The following PUM1 variants were observed in gnomAD, a reference collection of about 807,000 sequenced individuals.
The protein encoded by PUM1 is pumilio homolog 1.
In PUM1, 13 loss-of-function variants were observed where a neutral mutation model predicts 131.8. The ratio of observed to expected loss-of-function variants is 0.10; its 90% CI spans 0.06 to 0.16. The LOEUF (loss-of-function observed/expected upper bound fraction) is 0.16. Among genes scored for constraint, PUM1 ranks in the 10% least tolerant of loss-of-function variants. The pLI, the probability that PUM1 is intolerant of heterozygous loss-of-function variation, is 1.00. For synonymous variants in PUM1, 509 were observed against 556.5 expected, an observed-to-expected ratio of 0.91 and a Z score of 1.20; for missense variants, 961 against 1,512.4, an observed-to-expected ratio of 0.64 and a Z score of 6.05.
chr1:31,056,614 T>C (rs868458048), intron 2 of PUM1, among the ~76,000 whole-genome samples: 43 of 8,922 alleles, frequency 4.8e-3, no homozygotes, highest in African/African-American at 5.3e-3. Flanking sequence ...CTTTTCTTTT[T>C]TTTTTTTTTT....
intron 16 of PUM1, among the ~76,000 whole-genome samples, 174 bp downstream of exon 16, chr1:30,952,060 G>C (rs1320914513): frequency 6.6e-6 from 1 of 152,138 alleles, no homozygotes; most frequent in Non-Finnish European, 1.5e-5. Flanking sequence ...AAACCATACA[G>C]AATAGATAGA....
At chr1:31,033,371 A>G (rs1421528202) in intron 2 of PUM1, among the ~76,000 whole-genome samples, 1 of 103,922 alleles carries the variant, frequency 9.6e-6, no homozygotes, top group African/African-American at 3.4e-5. Context: ...CATCCAGCTA[A>G]TTTTCTTTTT....
intron 2 of PUM1, among the ~76,000 whole-genome samples, chr1:31,050,489 A>G (rs1259510102): frequency 1.3e-5 from 2 of 152,178 alleles, no homozygotes; most frequent in African/African-American, 4.8e-5. Context: ...AGAAAAAGTT[A>G]TAGTTGAAGA....
At chr1:30,964,648 G>T in intron 14 of PUM1, 26 bp downstream of exon 14, 1 of 1,559,490 alleles carries the variant, frequency 6.4e-7, no homozygotes. Flanking sequence ...TAGAGTTCAA[G>T]GTGGTGTTAG....
intron 13 of PUM1, among the ~76,000 whole-genome samples, chr1:30,965,479 T>C (rs1251790525): frequency 6.6e-6 from 1 of 152,204 alleles, no homozygotes; most frequent in Non-Finnish European, 1.5e-5. Context: ...CATACTACAC[T>C]CCTGCTTTTT....
rs1317776933 is a variant in PUM1 at position 30,936,786 on chromosome 1, C to T, written c.3292G>A (p.Val1098Met). Residue 1098 changes from valine (V) to methionine (M), a missense_variant, in exon 21 of 22, where the codon GTG (valine) becomes ATG (methionine). Physicochemically the swap from Val to Met is conservative, Grantham distance 21. Around this residue, in one of 4 missense-constraint regions of PUM1, gnomAD observed 178 missense variants for 327.5 expected, o/e 0.54. Transcript: ENST00000426105. ...VTHASRTERA[V>M]LIDEVCTMND... ...ATGGTGCACACCTCATCGATGAGCACAGCGCGCTCCGTACGTGAGGCGTGA... is the reference window on the plus strand; with the variant it reads ...ATGGTGCACACCTCATCGATGAGCATAGCGCGCTCCGTACGTGAGGCGTGA... 6.2e-7 allele frequency: 1 copy of T among 1,613,888 alleles called. No individual in the cohort carries two copies. The highest frequency in any genetic ancestry group is 1.3e-5 in the African/African-American group (1 of 74,918).
intron 5 of PUM1, among the ~76,000 whole-genome samples, chr1:31,004,902 C>G (rs912832526): frequency 6.6e-6 from 1 of 152,160 alleles, no homozygotes; most frequent in South Asian, 2.1e-4. Flanking sequence ...CCACAAATTA[C>G]ATTAAAATCT....
At position 31,038,476 on chromosome 1, in the gene PUM1, G is replaced by A. The variant is rs1002324663; in HGVS notation, c.364-9612C>T. 4.6e-5 allele frequency among the ~76,000 whole-genome samples: 7 copies of A among 152,014 alleles called. No individual in the cohort carries two copies. The South Asian group carries it at 1.5e-3, about 32-fold the overall frequency. ...AGTAACACCCGCCAAGTACCAAACCGCACCTTATTAACAGTGCTATGGTGA... is the reference window on the plus strand; with the variant it reads ...AGTAACACCCGCCAAGTACCAAACCACACCTTATTAACAGTGCTATGGTGA... On this transcript the variant is annotated intron_variant, in intron 2 of 21. Transcript: ENST00000426105.
rs1232200455 is a variant in PUM1, at chr1:30,938,928, CAGACAGACAGACAGACAGAT to C, written c.3243-2113_3243-2094del. Among the ~76,000 whole-genome samples, 667 of 103,290 alleles carry C rather than the reference CAGACAGACAGACAGACAGAT, an allele frequency of 6.5e-3. 5 individuals carry two copies. The highest frequency in any genetic ancestry group is 0.021 in the African/African-American group (611 of 29,642). The allele number at this position is 103,290 out of a possible 152,430, so 67.8% of individuals were successfully genotyped here. A position where few individuals can be genotyped will look rare whatever the true frequency, so the allele number is the denominator to read the frequency against. ...ATAGACAGACAGACAGACAGACAGA[CAGACAGACAGACAGACAGAT>C]AGACAGATAGACAGATACATACATA... On this transcript the variant is annotated intron_variant, in intron 20 of 21. Transcript: ENST00000426105.
intron 17 of PUM1, 45 bp downstream of exon 17, chr1:30,950,082 G>A (rs1312395233): frequency 6.3e-7 from 1 of 1,591,524 alleles, no homozygotes. Flanking sequence ...CATGTACCAT[G>A]GAGAAACATC....
intron 8 of PUM1, among the ~76,000 whole-genome samples, chr1:30,980,810 C>T (rs1017509289): frequency 2.0e-5 from 3 of 152,032 alleles, no homozygotes; most frequent in South Asian, 2.1e-4. Context: ...CTAGGCAGTA[C>T]GATGAATACA....
chr1:31,009,085 C>T (rs1017736728), intron 3 of PUM1, among the ~76,000 whole-genome samples: 1 of 150,676 alleles, frequency 6.6e-6, no homozygotes, highest in Non-Finnish European at 1.5e-5. Flanking sequence ...CAGGAGGCTG[C>T]GGCAGGAGAC....
intron 3 of PUM1, among the ~76,000 whole-genome samples, chr1:31,010,689 T>A (rs546220175): frequency 1.4e-3 from 206 of 152,272 alleles, no homozygotes; most frequent in Non-Finnish European, 1.7e-3. Flanking sequence ...TGATACCACA[T>A]GAGTGAGTTT....
chr1:30,987,195 ATT>A (rs35752234), intron 7 of PUM1, among the ~76,000 whole-genome samples: 37 of 140,828 alleles, frequency 2.6e-4, no homozygotes, highest in African/African-American at 3.4e-4. Context: ...CTAGTAACAA[ATT>A]TTTTTTTTTT....
At chr1:30,970,555 C>T (rs1640834623) in intron 10 of PUM1, among the ~76,000 whole-genome samples, 1 of 152,136 alleles carries the variant, frequency 6.6e-6, no homozygotes, top group Non-Finnish European at 1.5e-5. Flanking sequence ...ACCTAACCAA[C>T]TTTGTAAGAG....
chr1:30,976,203 C>T (rs1224734531), intron 9 of PUM1, among the ~76,000 whole-genome samples: 1 of 151,790 alleles, frequency 6.6e-6, no homozygotes, highest in Admixed American at 6.6e-5. Context: ...AGAGATATAA[C>T]AAAATTATGC....
At chr1:31,045,224 A>C (rs938106721) in intron 2 of PUM1, among the ~76,000 whole-genome samples, 2 of 151,616 alleles carry the variant, frequency 1.3e-5, no homozygotes, top group African/African-American at 4.8e-5. Flanking sequence ...CTCCGCCCCG[A>C]CAGGGTTCAG....
Position 30,962,476 on chromosome 1 carries a change from G to A in PUM1, c.2323+2198C>T, listed in dbSNP as rs189120658. 5.0e-4 allele frequency among the ~76,000 whole-genome samples: 76 copies of A among 152,192 alleles called. No individual in the cohort carries two copies. The East Asian group carries it at 6.0e-3, about 12-fold the overall frequency. On this transcript the variant is annotated intron_variant, in intron 14 of 21. Coordinates refer to ENST00000426105, the MANE Select transcript of PUM1 (RefSeq NM_001020658.2). ...TGCTCAGGCTGGAGCGCAGTGGCAC[G>A]ATCTCAGCTCACTGCAGCCTGTCTC...
At chr1:31,012,846 G>T (rs1190056586) in intron 3 of PUM1, among the ~76,000 whole-genome samples, 2 of 152,122 alleles carry the variant, frequency 1.3e-5, no homozygotes, top group Non-Finnish European at 2.9e-5. Flanking sequence ...CTTATTTTAA[G>T]AACAGTGATA....
Sources: allele counts gnomAD v4.1 joint callset (sites outside exome capture counted in the v4.1 genomes callset), GRCh38; gene constraint gnomAD v4.1.1; regional missense constraint gnomAD v4.1.1; transcripts MANE v1.5; gene names NCBI Gene and HGNC (gene_info 2026-07-23, HGNC 2026-07-21).